The following TANGO6 variants were observed in gnomAD, a reference collection of about 807,000 sequenced individuals.
TANGO6 encodes the protein transport and golgi organization 6 homolog, also known as transport and Golgi organization protein 6 homolog.
In TANGO6, 90 loss-of-function variants were observed where a neutral mutation model predicts 114.2. The ratio of observed to expected loss-of-function variants is 0.79; its 90% CI spans 0.66 to 0.94. The LOEUF (loss-of-function observed/expected upper bound fraction) is 0.94, where lower values mean the gene tolerates loss of function less well. Among genes scored for constraint, TANGO6 ranks in the 40% least tolerant of loss-of-function variants. The pLI, the probability that TANGO6 is intolerant of heterozygous loss-of-function variation, is 0.00. For synonymous variants in TANGO6, 477 were observed against 509.8 expected (o/e 0.94, Z 0.87); for missense variants, 1,274 against 1,315.3 (o/e 0.97, Z 0.49).
intron 14 of TANGO6, among the ~76,000 whole-genome samples, chr16:68,946,353 G>T (rs997902739): frequency 3.1e-4 from 47 of 151,792 alleles, no homozygotes; most frequent in Middle Eastern, 3.2e-3. Context: ...CACAATGCCC[G>T]GCTAATTTTT....
chr16:68,859,978 G>A lies in TANGO6; in HGVS notation c.189G>A (p.Lys63=). 6.2e-7 allele frequency: 1 copy of A among 1,613,476 alleles called. No individual in the cohort carries two copies. Among genetic ancestry groups the A allele is most frequent in the South Asian group, 1.1e-5 (1 of 91,064 alleles). The part of the protein sequence containing the change: ...NLSALEDKFL[K]DPQWKNLKLL... ...CTGCTTTGGAGGACAAGTTTCTGAA[G>A]GATCCTCAGTGGAAGAATCTGAAAC... Residue 63 remains lysine (K), a synonymous_variant, in exon 2 of 18, where the codon AAG becomes AAA. Transcript: ENST00000261778.
intron 11 of TANGO6, among the ~76,000 whole-genome samples, chr16:68,913,785 G>T (rs1962961733): frequency 6.6e-6 from 1 of 152,046 alleles, no homozygotes; most frequent in South Asian, 2.1e-4. Context: ...GGATGGACAG[G>T]AAGCACCAGA....
At chr16:69,055,432 G>A (rs984946150) in intron 17 of TANGO6, among the ~76,000 whole-genome samples, 3 of 152,174 alleles carry the variant, frequency 2.0e-5, no homozygotes, top group Non-Finnish European at 4.4e-5. Flanking sequence ...AACCACTGAT[G>A]GTGGCCCAGT....
At chr16:68,968,318 C>A (rs1202382846) in intron 14 of TANGO6, among the ~76,000 whole-genome samples, 1 of 151,722 alleles carries the variant, frequency 6.6e-6, no homozygotes, top group African/African-American at 2.4e-5. Context: ...CCCACCTCAG[C>A]TTCCCAAAGT....
intron 17 of TANGO6, among the ~76,000 whole-genome samples, chr16:69,074,065 C>T (rs1960336463): frequency 6.6e-6 from 1 of 152,030 alleles, no homozygotes; most frequent in Non-Finnish European, 1.5e-5. Flanking sequence ...CAGGAGGTAA[C>T]TGCCCAGCAG....
rs552706130 is a variant in TANGO6, at chr16:68,878,511, C to T, written c.1294+231C>T. 3.9e-5 allele frequency among the ~76,000 whole-genome samples: 6 copies of T among 152,208 alleles called. No individual in the cohort carries two copies. The East Asian group carries it at 1.2e-3, about 29-fold the overall frequency. ...TACATTTTGGCCACATTTATTTTAT[C>T]TTTCTCTCTTTCTATACATATAAAC... On this transcript the variant is annotated intron_variant, in intron 6 of 17. Transcript: ENST00000261778.
At chr16:68,932,193 C>T (rs1239074028) in intron 14 of TANGO6, among the ~76,000 whole-genome samples, 8 of 152,070 alleles carry the variant, frequency 5.3e-5, no homozygotes, top group Admixed American at 5.2e-4. Flanking sequence ...CGGGTTCAAG[C>T]GATTCTCCTG....
intron 7 of TANGO6, among the ~76,000 whole-genome samples, chr16:68,899,503 C>T (rs1962755038): frequency 6.6e-6 from 1 of 151,084 alleles, no homozygotes; most frequent in East Asian, 1.9e-4. Context: ...CATCCTCACA[C>T]ACTTTTTTTT....
intron 17 of TANGO6, among the ~76,000 whole-genome samples, chr16:69,062,787 T>TAA (rs35731381): frequency 1.8e-3 from 209 of 113,684 alleles, no homozygotes; most frequent in East Asian, 3.5e-3. Context: ...AAAAGAAATT[T>TAA]AAAAAAAAAA....
At chr16:69,020,550 A>C (rs375049948) in intron 15 of TANGO6, among the ~76,000 whole-genome samples, 4 of 152,280 alleles carry the variant, frequency 2.6e-5, no homozygotes, top group African/African-American at 9.6e-5. Context: ...TCCACAAAGA[A>C]AGTGGCATTT....
At chr16:68,975,100 T>C (rs1012020697) in intron 15 of TANGO6, among the ~76,000 whole-genome samples, 11 of 152,164 alleles carry the variant, frequency 7.2e-5, no homozygotes, top group African/African-American at 2.2e-4. Context: ...GTGCTGACTC[T>C]TGCTGAATGT....
chr16:68,902,437 C>G lies in TANGO6; in HGVS notation c.1600C>G (p.His534Asp), dbSNP rs754332228. ...GTTGGACAAAGCTGTGCCCTCTCTC[C>G]ATTCTCTGTGTCAGTTTAGAGTTGC... is the stretch of plus-strand genomic sequence containing the variant. ...AGLDKAVPSL[H>D]SLCQFRVATQ... Residue 534 changes from histidine to aspartate, a missense_variant, in exon 9 of 18, where the codon CAT becomes GAT. Physicochemically the swap from His to Asp is moderately conservative, Grantham distance 81 (BLOSUM62 -1). Transcript: ENST00000261778. The G allele has an allele frequency of 9.3e-6, 15 of 1,613,668 alleles. No individual in the cohort carries two copies. In the African/African-American group the frequency reaches 1.2e-4, roughly 13 times the overall value.
chr16:68,938,851 G>A (rs1037224013), intron 14 of TANGO6, among the ~76,000 whole-genome samples: 7 of 151,794 alleles, frequency 4.6e-5, no homozygotes, highest in Non-Finnish European at 7.4e-5. Flanking sequence ...CAATCATCTC[G>A]AAGGATTGGG....
intron 14 of TANGO6, among the ~76,000 whole-genome samples, chr16:68,959,156 G>T (rs7192757): frequency 0.087 from 13,250 of 152,188 alleles, 668 homozygotes; most frequent in African/African-American, 0.13. Flanking sequence ...TGGTTTCCAT[G>T]TGACACTACA....
intron 17 of TANGO6, among the ~76,000 whole-genome samples, chr16:69,076,388 A>G (rs1960380170): frequency 2.6e-5 from 4 of 152,058 alleles, no homozygotes; most frequent in Admixed American, 2.0e-4. Flanking sequence ...CACCGTGCCC[A>G]GCCTCATTTC....
intron 15 of TANGO6, among the ~76,000 whole-genome samples, chr16:68,990,198 T>A (rs1230756475): frequency 6.6e-6 from 1 of 151,862 alleles, no homozygotes; most frequent in Non-Finnish European, 1.5e-5. Flanking sequence ...ACACCTGGCG[T>A]ATTAGTCTGT....
At chr16:68,946,454 A>G (rs1396790562) in intron 14 of TANGO6, among the ~76,000 whole-genome samples, 1 of 152,034 alleles carries the variant, frequency 6.6e-6, no homozygotes, top group East Asian at 1.9e-4. Context: ...TCGGCCTCCC[A>G]AAGTGGGGGG....
In TANGO6 at chr16:68,947,582, C is replaced by T. The variant is rs116741637; in HGVS notation, c.2701+17287C>T. Among the ~76,000 whole-genome samples, 1,166 of 149,570 alleles carry T rather than the reference C, an allele frequency of 7.8e-3. 19 individuals are homozygous for T. Among genetic ancestry groups the T allele is most frequent in the African/African-American group, 0.027 (1,075 of 40,556 alleles). Reference sequence around the variant, plus strand: ...TATAATAAGACTAGATATTATAACCCATCTCTTTTTTTTTTTTTTTTTTTT... The same window carrying T: ...TATAATAAGACTAGATATTATAACCTATCTCTTTTTTTTTTTTTTTTTTTT... On this transcript the variant is annotated intron_variant, in intron 14 of 17. Transcript: ENST00000261778.
rs536551289 is a variant in TANGO6, at chr16:69,022,742, A to G, written c.2843-86A>G. Reference sequence around the variant, plus strand: ...AAACAAAAAGAATAAGACATCATGCAGTGAACTATGGAAATATAATTCTTC... The same window carrying G: ...AAACAAAAAGAATAAGACATCATGCGGTGAACTATGGAAATATAATTCTTC... On this transcript the variant is annotated intron_variant, in intron 15 of 17. Transcript: ENST00000261778. 4 of 1,390,748 alleles carry G rather than the reference A, an allele frequency of 2.9e-6. No homozygotes were observed. The South Asian group carries it at 4.0e-5, about 14-fold the overall frequency. The allele number at this position is 1,390,748 out of a possible 1,614,324, so 86.2% of individuals were successfully genotyped here.
Sources: allele counts gnomAD v4.1 joint callset (sites outside exome capture counted in the v4.1 genomes callset), GRCh38; gene constraint gnomAD v4.1.1; transcripts MANE v1.5; gene names NCBI Gene and HGNC (gene_info 2026-07-23, HGNC 2026-07-21).